SULT2B1: variants seen among roughly 807,000 people sequenced by gnomAD.
SULT2B1 encodes sulfotransferase 2B1.
SULT2B1 carries 16 observed loss-of-function variants against 33.2 expected under a neutral mutation model. That is an observed-to-expected ratio of 0.48 (90% CI 0.33 to 0.73). SULT2B1 has a LOEUF of 0.73. Ranked by LOEUF, SULT2B1 falls within the 30% of genes least tolerant of loss-of-function variation. The pLI, the probability that SULT2B1 is intolerant of heterozygous loss-of-function variation, is 0.02. For missense variants in SULT2B1, 500 were observed against 506.0 expected (o/e 0.99, Z 0.11); for synonymous variants, 186 against 200.5 (o/e 0.93, Z 0.61).
rs16982158 is a variant in SULT2B1 at position 48,592,742 on chromosome 19, G to T, written c.571G>T (p.Asp191Tyr). The change falls in exon 5 of 7, where the codon GAC (aspartate) becomes TAC (tyrosine). Residue 191 changes from aspartate to tyrosine, a missense_variant. By Grantham distance (160) the Asp-to-Tyr change is radical (BLOSUM62 -3). Transcript: ENST00000201586. ...CACAGTGCAGTTTGGCTCCTGGTTCGACCACATTAAGGGCTGGCTTCGGAT... is the reference window on the plus strand; with the variant it reads ...CACAGTGCAGTTTGGCTCCTGGTTCTACCACATTAAGGGCTGGCTTCGGAT... ...KGEVQFGSWF[D>Y]HIKGWLRMKG... is the part of the protein sequence containing the mutation. 47 of 1,598,238 alleles carry T rather than the reference G, an allele frequency of 2.9e-5. No individual in the cohort carries two copies. The highest frequency in any genetic ancestry group is 3.3e-4 in the Middle Eastern group (2 of 6,070).
chr19:48,579,335 T>A (rs1447146470), intron 2 of SULT2B1, among the ~76,000 whole-genome samples: 1 of 147,990 alleles, frequency 6.8e-6, no homozygotes, highest in Non-Finnish European at 1.5e-5. Context: ...CAGGCTGGAG[T>A]GCAGTGGCGT....
rs1412497438 is a variant in SULT2B1 at position 48,563,520 on chromosome 19, A to G, written c.71+11197A>G. Among the ~76,000 whole-genome samples the G allele has an allele frequency of 1.1e-4, 17 of 152,220 alleles. 1 individual carries two copies. The highest frequency in any genetic ancestry group is 1.6e-4 in the Non-Finnish European group (11 of 68,044). On this transcript the variant is annotated intron_variant, in intron 1 of 6. Coordinates refer to ENST00000201586, the MANE Select transcript of SULT2B1 (RefSeq NM_177973.2). ...CACAGACACGGAAAATGTCAGAAAC[A>G]TTATGCTAGGCAAAAACAACCAAAA...
At chr19:48,566,290 A>G (rs911542446) in intron 1 of SULT2B1, among the ~76,000 whole-genome samples, 1 of 152,034 alleles carries the variant, frequency 6.6e-6, no homozygotes, top group Non-Finnish European at 1.5e-5. Context: ...TCAAACTCCT[A>G]GGCTCAAGTG....
At chr19:48,567,291 C>T (rs1407407787) in intron 1 of SULT2B1, among the ~76,000 whole-genome samples, 6 of 152,032 alleles carry the variant, frequency 3.9e-5, no homozygotes, top group Non-Finnish European at 7.4e-5. Context: ...TAACCAGGCA[C>T]GGTGGCTCAC....
At chr19:48,583,475 A>C (rs1292470863) in intron 2 of SULT2B1, among the ~76,000 whole-genome samples, 1 of 152,230 alleles carries the variant, frequency 6.6e-6, no homozygotes, top group East Asian at 1.9e-4. Flanking sequence ...TGAATGGATA[A>C]ACAAATTATG....
intron 2 of SULT2B1, among the ~76,000 whole-genome samples, chr19:48,577,028 A>ATTTTTTT (rs71179012): frequency 2.9e-4 from 27 of 92,954 alleles, no homozygotes; most frequent in African/African-American, 8.4e-4. Flanking sequence ...ACCCCCCTCT[A>ATTTTTTT]TTTTTTTTTT....
intron 1 of SULT2B1, among the ~76,000 whole-genome samples, chr19:48,575,100 C>CTTTT (rs66515808): frequency 1.5e-4 from 12 of 81,446 alleles, no homozygotes; most frequent in Non-Finnish European, 2.0e-4. Context: ...CTGTTTTAAC[C>CTTTT]TTTTTTTTTT....
intron 1 of SULT2B1, among the ~76,000 whole-genome samples, chr19:48,566,568 G>T (rs1267910341): frequency 6.6e-6 from 1 of 152,134 alleles, no homozygotes; most frequent in African/African-American, 2.4e-5. Context: ...TGTGCCAGGC[G>T]TGGTGGCTCA....
At chr19:48,594,178 T>C (rs562409439) in intron 5 of SULT2B1, among the ~76,000 whole-genome samples, 4 of 152,026 alleles carry the variant, frequency 2.6e-5, no homozygotes, top group Admixed American at 2.6e-4. Context: ...GGAGAATCGC[T>C]TGAACCTGGG....
At chr19:48,576,157 AT>A (rs1287774690) in intron 2 of SULT2B1, 74 bp downstream of exon 2, 1 of 1,340,756 alleles carries the variant, frequency 7.5e-7, no homozygotes, top group African/African-American at 1.4e-5. Flanking sequence ...GGAAAGGCAC[AT>A]AGAGAAGGAG....
At chr19:48,568,991 G>A (rs959505000) in intron 1 of SULT2B1, among the ~76,000 whole-genome samples, 7 of 152,138 alleles carry the variant, frequency 4.6e-5, no homozygotes, top group African/African-American at 1.7e-4. Flanking sequence ...CCTCCCTGAC[G>A]CCACCGTTCT....
At chr19:48,554,837 G>C (rs1601082960) in intron 1 of SULT2B1, among the ~76,000 whole-genome samples, 1 of 151,450 alleles carries the variant, frequency 6.6e-6, no homozygotes, top group Non-Finnish European at 1.5e-5. Flanking sequence ...CTGTGTCAGA[G>C]ATGAGGCCCA....
At chr19:48,564,427 C>T (rs1487844081) in intron 1 of SULT2B1, among the ~76,000 whole-genome samples, 4 of 150,498 alleles carry the variant, frequency 2.7e-5, no homozygotes, top group Non-Finnish European at 5.9e-5. Flanking sequence ...GTGGCAGGTG[C>T]CTGTAGTCCC....
intron 1 of SULT2B1, among the ~76,000 whole-genome samples, chr19:48,563,741 GA>G (rs1465176003): frequency 6.6e-6 from 1 of 152,062 alleles, no homozygotes; most frequent in Non-Finnish European, 1.5e-5. Context: ...GAGGTGGGTG[GA>G]TCACTTGAGG....
chr19:48,594,946 C>T (rs1238046582), intron 5 of SULT2B1, among the ~76,000 whole-genome samples: 1 of 152,002 alleles, frequency 6.6e-6, no homozygotes. Context: ...CACTGGAACC[C>T]AGGAGGTGGA....
intron 2 of SULT2B1, among the ~76,000 whole-genome samples, chr19:48,576,359 C>CTTTTTTTTTTTTTTTT (rs1188887401): frequency 4.1e-5 from 4 of 96,716 alleles, no homozygotes; most frequent in African/African-American, 8.6e-5. Context: ...CTCTACTTCT[C>CTTTTTTTTTTTTTTTT]TTTTTTTTTT....
intron 1 of SULT2B1, among the ~76,000 whole-genome samples, chr19:48,553,311 T>C (rs987988537): frequency 6.6e-6 from 1 of 152,118 alleles, no homozygotes; most frequent in African/African-American, 2.4e-5. Flanking sequence ...TTTCTTATTT[T>C]ATTTTATTTT....
At chr19:48,579,593 TTTTC>T (rs758016211) in intron 2 of SULT2B1, among the ~76,000 whole-genome samples, 17 of 110,990 alleles carry the variant, frequency 1.5e-4, no homozygotes, top group African/African-American at 4.7e-4. Context: ...TTTTCTTTTC[TTTTC>T]TTTCTTTCTT....
intron 1 of SULT2B1, among the ~76,000 whole-genome samples, chr19:48,556,178 C>T (rs574833110): frequency 1.4e-4 from 22 of 152,302 alleles, no homozygotes; most frequent in Admixed American, 7.2e-4. Flanking sequence ...AGATTCAACA[C>T]GGGCAATTTA....
Sources: gnomAD v4.1 joint callset for allele counts (sites outside exome capture counted in the v4.1 genomes callset) on GRCh38, gnomAD v4.1.1 for gene constraint, MANE v1.5 for transcripts, NCBI Gene and HGNC (gene_info 2026-07-23, HGNC 2026-07-21) for gene names.